The following LHPP variants were observed in gnomAD, a reference collection of about 807,000 sequenced individuals.
LHPP encodes the protein hLHPP.
A neutral mutation model predicts 30.3 loss-of-function variants in LHPP; 24 were observed. That is an observed-to-expected ratio of 0.79 (90% confidence interval 0.57 to 1.11). LHPP has a LOEUF of 1.11. LHPP is among the 50% of genes most tolerant of loss of function. The probability of loss-of-function intolerance (pLI) is 0.00; values close to 1 mark genes in which losing one functional copy is unlikely to be tolerated. For synonymous variants in LHPP, 150 were observed against 157.1 expected, an observed-to-expected ratio of 0.95 and a Z score of 0.34; for missense variants, 356 against 367.2, an observed-to-expected ratio of 0.97 and a Z score of 0.25.
rs1475684488 is a variant in LHPP at position 124,484,274 on chromosome 10, C to T, written c.261C>T (p.Ala87=). ...EQEVTAPAPA[A]CQILKEQGLR... is the part of the protein sequence containing the mutation. The stretch of plus-strand genomic sequence containing the variant: ...AGGTGACCGCCCCGGCACCAGCTGC[C>T]TGCCAGATCCTGAAGGAGCAAGGCC... The change falls in exon 2 of 7, where the codon GCC becomes GCT. Residue 87 remains alanine (A), a synonymous_variant. Transcript: ENST00000368842. 1.2e-6 allele frequency: 2 copies of T among 1,614,006 alleles called. No homozygotes were observed. The highest frequency in any genetic ancestry group is 1.7e-6 in the Non-Finnish European group (2 of 1,179,982).
At chr10:124,549,177 C>G (rs190419738) in intron 6 of LHPP, among the ~76,000 whole-genome samples, 7 of 152,330 alleles carry the variant, frequency 4.6e-5, no homozygotes. Context: ...TGGCTCACAT[C>G]TGTATTCCCA....
At chr10:124,608,692 AC>A (rs915007715) in intron 6 of LHPP, among the ~76,000 whole-genome samples, 1 of 138,800 alleles carries the variant, frequency 7.2e-6, no homozygotes, top group South Asian at 2.4e-4. Context: ...GCTCAGAGGG[AC>A]CCCCACCCCA....
chr10:124,492,217 C>T (rs1022770280), intron 3 of LHPP, among the ~76,000 whole-genome samples: 15 of 152,144 alleles, frequency 9.9e-5, no homozygotes, highest in Non-Finnish European at 4.4e-5. Flanking sequence ...TACTTCTTCA[C>T]GCTGTGTCTC....
intron 5 of LHPP, among the ~76,000 whole-genome samples, chr10:124,508,200 C>G (rs908322541): frequency 6.6e-6 from 1 of 152,094 alleles, no homozygotes; most frequent in Non-Finnish European, 1.5e-5. Context: ...CTCCCTCCCC[C>G]ATGGGTGTTT....
chr10:124,474,699 C>G (rs1166140821), intron 1 of LHPP, among the ~76,000 whole-genome samples: 1 of 152,098 alleles, frequency 6.6e-6, no homozygotes, highest in Non-Finnish European at 1.5e-5. Context: ...AACATGAACC[C>G]ACCTCTCAGA....
Position 124,585,447 on chromosome 10 carries a change from T to A in LHPP, c.717-27817T>A, listed in dbSNP as rs1948791950. Among the ~76,000 whole-genome samples the A allele has an allele frequency of 2.6e-5, 4 of 151,484 alleles. No individual in the cohort carries two copies. In the South Asian group the frequency reaches 8.3e-4, roughly 31 times the overall value. Reference sequence around the variant, plus strand: ...CTGGGCAACACAGTGAAACCCCGACTCTACTAAAATACAAAAAATTAGCCA... The same window carrying A: ...CTGGGCAACACAGTGAAACCCCGACACTACTAAAATACAAAAAATTAGCCA... On this transcript the variant is annotated intron_variant, in intron 6 of 6. Transcript: ENST00000368842.
intron 5 of LHPP, among the ~76,000 whole-genome samples, chr10:124,511,974 C>G (rs1954312109): frequency 6.6e-6 from 1 of 151,904 alleles, no homozygotes; most frequent in African/African-American, 2.4e-5. Context: ...AAGCTCAGAA[C>G]CTCACCTCCT....
chr10:124,563,669 C>T (rs990711122), intron 6 of LHPP, among the ~76,000 whole-genome samples: 4 of 152,102 alleles, frequency 2.6e-5, no homozygotes, highest in East Asian at 3.8e-4. Context: ...GAGTCAGTGG[C>T]GTTCTTACAA....
intron 2 of LHPP, among the ~76,000 whole-genome samples, chr10:124,486,760 C>T (rs779116319): frequency 1.1e-4 from 17 of 152,190 alleles, no homozygotes; most frequent in Admixed American, 3.3e-4. Context: ...GGGCCAGGGC[C>T]GCAGGGATAC....
At chr10:124,608,080 G>A (rs1448771416) in intron 6 of LHPP, among the ~76,000 whole-genome samples, 1 of 152,156 alleles carries the variant, frequency 6.6e-6, no homozygotes, top group Non-Finnish European at 1.5e-5. Context: ...TGAGCCTACT[G>A]GTCCTTCCCG....
At chr10:124,525,060 C>T (rs1407128971) in intron 6 of LHPP, among the ~76,000 whole-genome samples, 2 of 152,240 alleles carry the variant, frequency 1.3e-5, no homozygotes, top group Non-Finnish European at 2.9e-5. Context: ...GGCACAGTGG[C>T]CGCGGTGACT....
intron 5 of LHPP, chr10:124,498,862 A>G: frequency 7.8e-6 from 2 of 256,434 alleles, no homozygotes; most frequent in Non-Finnish European, 1.5e-5. Flanking sequence ...CTACAGGTAT[A>G]TGCCACCACG....
intron 1 of LHPP, among the ~76,000 whole-genome samples, chr10:124,483,719 T>C (rs553904610): frequency 1.6e-4 from 25 of 152,078 alleles, no homozygotes; most frequent in African/African-American, 4.6e-4. Flanking sequence ...ATCATGCCAC[T>C]GCACTCCAGC....
At chr10:124,544,452 C>T (rs949898819) in intron 6 of LHPP, among the ~76,000 whole-genome samples, 1 of 152,202 alleles carries the variant, frequency 6.6e-6, no homozygotes, top group African/African-American at 2.4e-5. Flanking sequence ...CAGGCAGGCT[C>T]CAGTGTCCAC....
At chr10:124,599,261 T>G (rs2134009444) in intron 6 of LHPP, among the ~76,000 whole-genome samples, 1 of 151,680 alleles carries the variant, frequency 6.6e-6, no homozygotes, top group East Asian at 1.9e-4. Context: ...TCCTTCCAAC[T>G]GTCTGTTTGT....
chr10:124,493,373 C>T (rs1953593280), intron 3 of LHPP, among the ~76,000 whole-genome samples: 1 of 152,154 alleles, frequency 6.6e-6, no homozygotes, highest in Admixed American at 6.5e-5. Context: ...TGAGGTCCAT[C>T]CTGCACTGCG....
intron 1 of LHPP, among the ~76,000 whole-genome samples, chr10:124,466,661 T>G (rs534643699): frequency 6.6e-6 from 1 of 152,084 alleles, no homozygotes; most frequent in East Asian, 1.9e-4. Context: ...TTTGCCACAT[T>G]GGCCAGGCTG....
chr10:124,586,827 G>C (rs1948810758), intron 6 of LHPP, among the ~76,000 whole-genome samples: 1 of 152,168 alleles, frequency 6.6e-6, no homozygotes, highest in Non-Finnish European at 1.5e-5. Flanking sequence ...CCTGGATTAA[G>C]AGTAATTAGG....
intron 5 of LHPP, among the ~76,000 whole-genome samples, chr10:124,504,771 C>G (rs763948281): frequency 6.6e-6 from 1 of 152,128 alleles, no homozygotes; most frequent in Non-Finnish European, 1.5e-5. Flanking sequence ...GTGGCATTTT[C>G]AGTTATTTTC....
Sources: allele counts gnomAD v4.1 joint callset (sites outside exome capture counted in the v4.1 genomes callset), GRCh38; gene constraint gnomAD v4.1.1; transcripts MANE v1.5; gene names NCBI Gene and HGNC (gene_info 2026-07-23, HGNC 2026-07-21).